The following NME5 variants were observed in gnomAD, a reference collection of about 807,000 sequenced individuals.
The protein encoded by NME5 is nucleoside diphosphate kinase 5.
Under a neutral mutation model 21.6 loss-of-function variants are expected in NME5, and 18 were observed. That is an observed-to-expected ratio of 0.83 (90% CI 0.58 to 1.24). The LOEUF (loss-of-function observed/expected upper bound fraction) is 1.24. Ranked by LOEUF, NME5 falls within the 50% of genes most tolerant of loss-of-function variation. The probability of loss-of-function intolerance (pLI) is 0.00; values close to 1 mark genes in which losing one functional copy is unlikely to be tolerated. For missense variants in NME5, 223 were observed against 255.4 expected (o/e 0.87, Z 0.86); for synonymous variants, 70 against 80.6 (o/e 0.87, Z 0.71).
intron 4 of NME5, among the ~76,000 whole-genome samples, chr5:138,126,506 A>G: frequency 1.3e-5 from 1 of 74,894 alleles, no homozygotes; most frequent in Non-Finnish European, 2.6e-5. Flanking sequence ...GTGAGAATCT[A>G]TCTCAAAAAA....
At chr5:138,131,457 G>A (rs944392515) in intron 2 of NME5, among the ~76,000 whole-genome samples, 3 of 151,556 alleles carry the variant, frequency 2.0e-5, no homozygotes, top group Non-Finnish European at 4.4e-5. Context: ...GCTGAAGCAT[G>A]AGAATTGCTT....
At chr5:138,123,890 CT>C (rs1452438519) in intron 4 of NME5, among the ~76,000 whole-genome samples, 2 of 149,710 alleles carry the variant, frequency 1.3e-5, no homozygotes, top group Non-Finnish European at 3.0e-5. Flanking sequence ...CAATATTTAC[CT>C]TTTTTTCTTT....
intron 2 of NME5, among the ~76,000 whole-genome samples, chr5:138,130,586 C>G (rs866889801): frequency 6.6e-6 from 1 of 151,980 alleles, no homozygotes; most frequent in Non-Finnish European, 1.5e-5. Context: ...GTCAGGGGTT[C>G]GAGAACAGTC....
intron 4 of NME5, among the ~76,000 whole-genome samples, chr5:138,126,510 C>CAAAAAAAAAAAAAA: frequency 1.8e-5 from 1 of 54,202 alleles, no homozygotes; most frequent in Non-Finnish European, 3.1e-5. Flanking sequence ...GAATCTATCT[C>CAAAAAAAAAAAAAA]AAAAAAAAAA....
At chr5:138,130,310 T>TA (rs1420052702) in intron 2 of NME5, among the ~76,000 whole-genome samples, 1 of 151,512 alleles carries the variant, frequency 6.6e-6, no homozygotes, top group Non-Finnish European at 1.5e-5. Flanking sequence ...TAGTCCCCAC[T>TA]ACATTAGAGG....
chr5:138,134,059 A>C (rs1362687019), intron 2 of NME5, among the ~76,000 whole-genome samples: 3 of 152,184 alleles, frequency 2.0e-5, no homozygotes, highest in East Asian at 3.8e-4. Context: ...GAAAGTTACT[A>C]ACTAGGGAAA....
intron 2 of NME5, among the ~76,000 whole-genome samples, chr5:138,135,914 G>A (rs553076652): frequency 7.9e-5 from 12 of 152,166 alleles, no homozygotes; most frequent in African/African-American, 2.6e-4. Context: ...ACAAAAGGTT[G>A]GTACACATGA....
chr5:138,138,474 T>G, intron 2 of NME5, 178 bp downstream of exon 2: 1 of 547,500 alleles, frequency 1.8e-6, no homozygotes. Flanking sequence ...AAAAGTCCAT[T>G]TTATTTCTCA....
At chr5:138,133,080 T>C (rs991850569) in intron 2 of NME5, among the ~76,000 whole-genome samples, 1 of 152,056 alleles carries the variant, frequency 6.6e-6, no homozygotes, top group African/African-American at 2.4e-5. Context: ...AGCACAATTT[T>C]TAAAATTAAG....
At chr5:138,116,864 A>G (rs1751168748) in intron 5 of NME5, among the ~76,000 whole-genome samples, 1 of 152,156 alleles carries the variant, frequency 6.6e-6, no homozygotes, top group African/African-American at 2.4e-5. Context: ...CACACCATAT[A>G]CAAAAATGAA....
rs1751224318 is a variant in NME5 at position 138,118,944 on chromosome 5, TAC to T, written c.437-10_437-9del. On this transcript the variant is annotated splice_polypyrimidine_tract_variant and intron_variant, in intron 4 of 5. Transcript: ENST00000265191. ...GAATGGGCTCAACAATCACTGCAAA[TAC>T]AAATGTATTCTCATTGATGCAAACA... is the stretch of plus-strand genomic sequence containing the variant. The T allele has an allele frequency of 7.0e-7, 1 of 1,422,686 alleles. No individual in the cohort carries two copies. The highest frequency in any genetic ancestry group is 9.9e-7 in the Non-Finnish European group (1 of 1,006,192). The allele number at this position is 1,422,686 out of a possible 1,614,324, so 88.1% of individuals were successfully genotyped here. A position where few individuals can be genotyped will look rare whatever the true frequency, so the allele number is the denominator to read the frequency against.
At chr5:138,135,248 G>A (rs1751670183) in intron 2 of NME5, among the ~76,000 whole-genome samples, 1 of 145,722 alleles carries the variant, frequency 6.9e-6, no homozygotes, top group East Asian at 2.2e-4. Context: ...AACCTGGGTG[G>A]CGGAGCTTGC....
chr5:138,123,118 T>A (rs1164790558), intron 4 of NME5: 1 of 152,178 alleles, frequency 6.6e-6, no homozygotes, highest in African/African-American at 2.4e-5. Context: ...GCACAACAAA[T>A]TTTTTAATAG....
At chr5:138,128,298 T>A (rs1369239541) in intron 4 of NME5, among the ~76,000 whole-genome samples, 181 bp downstream of exon 4, 2 of 152,214 alleles carry the variant, frequency 1.3e-5, no homozygotes, top group African/African-American at 4.8e-5. Flanking sequence ...ATTTAGTTGT[T>A]AGGGAAATGT....
chr5:138,139,393 TACA>T lies in NME5; in HGVS notation c.-31_-29del. 1 of 985,664 alleles carries T rather than the reference TACA, an allele frequency of 1.0e-6. No individual in the cohort carries two copies. Among genetic ancestry groups the T allele is most frequent in the Non-Finnish European group, 1.2e-6 (1 of 830,166 alleles). The allele number at this position is 985,664 out of a possible 1,614,324, so 61.1% of individuals were successfully genotyped here. On this transcript the variant is annotated 5_prime_UTR_variant, in exon 1 of 6. Transcript: ENST00000265191. ...CACCTCAGCGGCCGTCCTCATATGG[TACA>T]ACTTGTTGCTAGGAGACCTGAAGCC...
At chr5:138,138,852 C>T (rs1454229796) in intron 1 of NME5, 67 bp from the exon 2 acceptor site, 5 of 1,400,212 alleles carry the variant, frequency 3.6e-6, no homozygotes, top group East Asian at 4.7e-5. Flanking sequence ...TTTCCCCCCA[C>T]CCCCATCGCA....
At chr5:138,129,901 G>A (rs1475532254) in intron 2 of NME5, among the ~76,000 whole-genome samples, 9 of 152,160 alleles carry the variant, frequency 5.9e-5, no homozygotes, top group African/African-American at 2.2e-4. Context: ...AGGTTGCAGG[G>A]AGCCAAGACT....
At chr5:138,123,791 G>A (rs1368000943) in intron 4 of NME5, among the ~76,000 whole-genome samples, 1 of 151,984 alleles carries the variant, frequency 6.6e-6, no homozygotes, top group African/African-American at 2.4e-5. Context: ...AGTTTCTTGA[G>A]GAACTTCCAT....
At chr5:138,135,142 C>T (rs1461415834) in intron 2 of NME5, among the ~76,000 whole-genome samples, 1 of 148,164 alleles carries the variant, frequency 6.7e-6, no homozygotes, top group Non-Finnish European at 1.5e-5. Context: ...CACAGTGAAA[C>T]CCCGTCTCTA....
Sources: allele counts gnomAD v4.1 joint callset (sites outside exome capture counted in the v4.1 genomes callset), GRCh38; gene constraint gnomAD v4.1.1; transcripts MANE v1.5; gene names NCBI Gene and HGNC (gene_info 2026-07-23, HGNC 2026-07-21).